Variants in DMD observed in about 807,000 individuals in gnomAD.
The protein encoded by DMD is mutant dystrophin.
Under a neutral mutation model 330.1 loss-of-function variants are expected in DMD, and 63 were observed. The ratio of observed to expected loss-of-function variants is 0.19; its 90% confidence interval spans 0.16 to 0.24. The LOEUF (loss-of-function observed/expected upper bound fraction) is 0.24, where lower values mean the gene tolerates loss of function less well. DMD is among the 10% of genes least tolerant of loss of function. DMD has a pLI of 1.00. For missense variants in DMD, 3,344 were observed against 2,684.1 expected, an observed-to-expected ratio of 1.25 and a Z score of -5.43; for synonymous variants, 1,223 against 959.8, an observed-to-expected ratio of 1.27 and a Z score of -5.07.
chrX:32,699,217 T>G lies in DMD; in HGVS notation c.726A>C (p.Gln242His), dbSNP rs1170744781. The G allele has an allele frequency of 1.7e-6, 2 of 1,209,651 alleles. No individual in the cohort carries two copies. Among genetic ancestry groups the G allele is most frequent in the Non-Finnish European group, 2.2e-6 (2 of 893,621 alleles). ...ITSLFQVLPQ[Q>H]VSIEAIQEVE... is the part of the protein sequence containing the mutation. ...CTTCCTGGATGGCTTCAATGCTCAC[T>G]TGTTGAGGCAAAACTTGGAAGAGTG... Residue 242 changes from glutamine (Q) to histidine (H), a missense_variant, in exon 8 of 79, where the codon CAA (glutamine) becomes CAC (histidine). Transcript: ENST00000357033.
intron 62 of DMD, among the ~76,000 whole-genome samples, chrX:31,284,059 C>T (rs1268179096): frequency 8.9e-6 from 1 of 112,183 alleles, no homozygotes; most frequent in East Asian, 2.8e-4. Flanking sequence ...AGAACACTTA[C>T]GTTAGCCTAC....
At chrX:31,141,768 G>A (rs954815836) in intron 76 of DMD, among the ~76,000 whole-genome samples, 1 of 111,493 alleles carries the variant, frequency 9.0e-6, no homozygotes, top group African/African-American at 3.3e-5. Flanking sequence ...TCCAGAAGAT[G>A]CTCAGGTGGG....
intron 60 of DMD, among the ~76,000 whole-genome samples, chrX:31,421,522 G>C (rs963195342): frequency 1.4e-4 from 16 of 111,342 alleles, no homozygotes; most frequent in Admixed American, 7.7e-4. Flanking sequence ...AGTGTGTACA[G>C]ATAAAAAGAT....
At chrX:32,676,756 A>C (rs1156617881) in intron 9 of DMD, among the ~76,000 whole-genome samples, 1 of 111,443 alleles carries the variant, frequency 9.0e-6, no homozygotes, top group Non-Finnish European at 1.9e-5. Flanking sequence ...AAACAAAACA[A>C]ACACATATGT....
chrX:31,238,067 G>A (rs112422465), intron 63 of DMD, among the ~76,000 whole-genome samples: 3 of 111,980 alleles, frequency 2.7e-5, no homozygotes, highest in African/African-American at 9.7e-5. Flanking sequence ...GCATTTGGGA[G>A]TTGCTTGATA....
chrX:32,902,897 C>T (rs1025704336), intron 2 of DMD, among the ~76,000 whole-genome samples: 1 of 109,541 alleles, frequency 9.1e-6, no homozygotes, highest in East Asian at 2.8e-4. Flanking sequence ...TGGTTCACAC[C>T]TGTAATCCCA....
chrX:31,854,785 G>T (rs1186214360), intron 48 of DMD, among the ~76,000 whole-genome samples: 1 of 111,601 alleles, frequency 9.0e-6, no homozygotes, highest in African/African-American at 3.3e-5. Flanking sequence ...TTCAATCAGG[G>T]TTTCTCAGCT....
intron 44 of DMD, among the ~76,000 whole-genome samples, chrX:32,023,824 G>A (rs887263093): frequency 8.9e-6 from 1 of 111,732 alleles, no homozygotes; most frequent in African/African-American, 3.3e-5. Flanking sequence ...TCCTAAGCAC[G>A]TTAACGCAGG....
At chrX:32,881,510 T>C (rs1393915338) in intron 2 of DMD, among the ~76,000 whole-genome samples, 1 of 112,152 alleles carries the variant, frequency 8.9e-6, no homozygotes, top group African/African-American at 3.2e-5. Flanking sequence ...TTAAATATGA[T>C]ACAATGGCAG....
At chrX:33,095,966 T>A (rs1267358221) in intron 1 of DMD, among the ~76,000 whole-genome samples, 2 of 44,671 alleles carry the variant, frequency 4.5e-5, no homozygotes, top group East Asian at 4.4e-3. Flanking sequence ...CTTCCAGAAT[T>A]TTTTTTTTTT....
intron 29 of DMD, among the ~76,000 whole-genome samples, chrX:32,421,075 G>A (rs1176903307): frequency 6.3e-5 from 7 of 111,778 alleles, no homozygotes; most frequent in African/African-American, 6.5e-5. Flanking sequence ...GGATGTCTGG[G>A]ACGACTGGTC....
At chrX:31,871,574 C>T (rs747384686) in intron 48 of DMD, among the ~76,000 whole-genome samples, 1 of 111,086 alleles carries the variant, frequency 9.0e-6, no homozygotes, top group Non-Finnish European at 1.9e-5. Context: ...CCCTTTGTTT[C>T]CGAGGCAGCT....
At chrX:32,573,239 T>C (rs934845393) in intron 15 of DMD, among the ~76,000 whole-genome samples, 1 of 112,182 alleles carries the variant, frequency 8.9e-6, no homozygotes, top group African/African-American at 3.2e-5. Context: ...CTTAGAACTT[T>C]ATGAAAGGCT....
At chrX:31,763,302 G>A (rs1332703883) in intron 51 of DMD, among the ~76,000 whole-genome samples, 1 of 112,515 alleles carries the variant, frequency 8.9e-6, no homozygotes, top group Admixed American at 9.4e-5. Flanking sequence ...GGTGGCTCAC[G>A]CCTGTAATCC....
intron 4 of DMD, among the ~76,000 whole-genome samples, chrX:32,828,577 A>G (rs1012617245): frequency 1.9e-5 from 2 of 103,502 alleles, no homozygotes; most frequent in Admixed American, 1.0e-4. Flanking sequence ...ATACACATAT[A>G]TATCTATACA....
chrX:32,735,178 G>A (rs1354037015), intron 7 of DMD, among the ~76,000 whole-genome samples: 2 of 108,011 alleles, frequency 1.9e-5, no homozygotes, highest in Admixed American at 9.8e-5. Flanking sequence ...GCTTCAAAGA[G>A]AATAAAATAC....
chrX:32,530,296 T>C (rs1462842171), intron 17 of DMD, among the ~76,000 whole-genome samples: 1 of 112,381 alleles, frequency 8.9e-6, no homozygotes, highest in African/African-American at 3.2e-5. Flanking sequence ...TCTGAGTTAT[T>C]TGGTATTGAT....
intron 77 of DMD, among the ~76,000 whole-genome samples, chrX:31,127,268 G>C (rs1312179044): frequency 8.9e-6 from 1 of 112,169 alleles, no homozygotes; most frequent in Non-Finnish European, 1.9e-5. Context: ...CCCAGTAATG[G>C]GCAAGCCACA....
At chrX:33,138,620 T>C (rs1226338090) in intron 1 of DMD, among the ~76,000 whole-genome samples, 1 of 111,892 alleles carries the variant, frequency 8.9e-6, no homozygotes, top group East Asian at 2.8e-4. Flanking sequence ...TTTTTGAAGA[T>C]ATTCATCTAT....
Sources: allele counts gnomAD v4.1 joint callset (sites outside exome capture counted in the v4.1 genomes callset), GRCh38; gene constraint gnomAD v4.1.1; transcripts MANE v1.5; gene names NCBI Gene and HGNC (gene_info 2026-07-23, HGNC 2026-07-21).